NKD1: variants seen among roughly 807,000 people sequenced by gnomAD.
NKD1 encodes protein naked cuticle homolog 1.
In NKD1, 21 loss-of-function variants were observed where a neutral mutation model predicts 56.0. The observed-to-expected ratio is 0.38, with a 90% confidence interval of 0.27 to 0.54. NKD1 has a LOEUF of 0.54. Ranked by LOEUF, NKD1 falls within the 20% of genes least tolerant of loss-of-function variation. The pLI is 0.82. For synonymous variants in NKD1, 263 were observed against 265.7 expected (o/e 0.99, Z 0.10); for missense variants, 578 against 642.7 (o/e 0.90, Z 1.09).
intron 3 of NKD1, among the ~76,000 whole-genome samples, chr16:50,589,293 GA>G (rs1460676065): frequency 6.6e-6 from 1 of 152,238 alleles, no homozygotes; most frequent in Non-Finnish European, 1.5e-5. Context: ...ATACGGAAAT[GA>G]GTTTCCTCGC....
chr16:50,592,289 A>C (rs1961384758), intron 3 of NKD1, among the ~76,000 whole-genome samples: 1 of 152,226 alleles, frequency 6.6e-6, no homozygotes, highest in Non-Finnish European at 1.5e-5. Context: ...TCCCCAAGTC[A>C]CTGGCTCTGA....
At chr16:50,571,008 G>C in intron 3 of NKD1, 1 of 985,272 alleles carries the variant, frequency 1.0e-6, no homozygotes, top group Non-Finnish European at 1.2e-6. Context: ...ACCCTCCTGG[G>C]TGTGCACCTG....
Position 50,608,290 on chromosome 16 carries a change from G to C in NKD1, c.193-4G>C, listed in dbSNP as rs933566. The C allele has an allele frequency of 0.54, 865,257 of 1,606,608 alleles. 243,603 individuals are homozygous for C. The highest frequency in any genetic ancestry group is 0.98 in the East Asian group (43,967 of 44,844). On this transcript the variant is annotated splice_region_variant and splice_polypyrimidine_tract_variant and intron_variant, in intron 3 of 9. Transcript: ENST00000268459. ...CTCAATGCCTCTGCTCTGTCTTCTT[G>C]TAGGAGCTCGTGGGCGACGTGTTGA...
rs552112921 is a variant in NKD1 at position 50,580,112 on chromosome 16, G to A, written c.193-28182G>A. ...ACCCACTAAGCATGCACCCCAACCC[G>A]CTACACATGCACTCTCTCAGTCCCG... On this transcript the variant is annotated intron_variant, in intron 3 of 9. Transcript: ENST00000268459. Among the ~76,000 whole-genome samples, 18 of 152,288 alleles carry A rather than the reference G, an allele frequency of 1.2e-4. No homozygotes were observed. The East Asian group carries it at 3.3e-3, about 28-fold the overall frequency.
In NKD1 at chr16:50,649,099, C is replaced by T. The variant is rs1161281693; in HGVS notation, c.*15318C>T. 3 of 152,214 alleles carry T rather than the reference C, an allele frequency of 2.0e-5. No individual in the cohort carries two copies. Among genetic ancestry groups the T allele is most frequent in the Non-Finnish European group, 4.4e-5 (3 of 68,032 alleles). 9.4% of individuals were successfully genotyped at this position (152,214 alleles called of 1,614,324 possible). On this transcript the variant is annotated 3_prime_UTR_variant, in exon 10 of 10. Transcript: ENST00000268459. ...GATAGCAAACCTGTTGGATTTTCTC[C>T]AGAATCCCTGGGCCACTTTTAGCAG...
intron 3 of NKD1, among the ~76,000 whole-genome samples, chr16:50,597,958 G>A (rs563409474): frequency 6.6e-5 from 10 of 152,270 alleles, no homozygotes; most frequent in South Asian, 6.2e-4. Context: ...CAGTGGCTCC[G>A]GAGGAGGCAA....
intron 3 of NKD1, among the ~76,000 whole-genome samples, chr16:50,563,023 G>A (rs1200637451): frequency 2.0e-5 from 3 of 146,638 alleles, no homozygotes; most frequent in Non-Finnish European, 4.4e-5. Flanking sequence ...AGAAGAAGGG[G>A]CTGTAGAAGT....
chr16:50,552,866 G>T (rs1184843066), intron 3 of NKD1, among the ~76,000 whole-genome samples: 1 of 152,194 alleles, frequency 6.6e-6, no homozygotes, highest in Admixed American at 6.5e-5. Context: ...CACTGTCATG[G>T]CAGGCTCACT....
rs1286611288 is a variant in NKD1 at position 50,623,851 on chromosome 16, C to T, written c.367-1634C>T. On this transcript the variant is annotated intron_variant, in intron 5 of 9. Transcript: ENST00000268459. This position sits in a 1 kb window ranked among gnomAD's most constrained non-coding sequence, Gnocchi z 4.1. ...GTGTAGGTACGTGTGTAGGGGTATG[C>T]GTGTGTGTGTGTGTGTAGGGGTATG... Among the ~76,000 whole-genome samples the T allele has an allele frequency of 2.7e-5, 4 of 145,580 alleles. No individual in the cohort carries two copies. Among genetic ancestry groups the T allele is most frequent in the African/African-American group, 5.1e-5 (2 of 39,242 alleles).
rs1207860398 is a variant in NKD1, at chr16:50,637,023, TTCTC to T, written c.*3246_*3249del. On this transcript the variant is annotated 3_prime_UTR_variant, in exon 10 of 10. Coordinates refer to ENST00000268459, the MANE Select transcript of NKD1 (RefSeq NM_033119.5). Reference sequence around the variant, plus strand: ...CCCTAGGTCATAGAGCTCTGCCCCCTTCTCTCTAACAGCTGCTCAGCCTTCTGTG... The same window carrying T: ...CCCTAGGTCATAGAGCTCTGCCCCCTTCTAACAGCTGCTCAGCCTTCTGTG... The T allele has an allele frequency of 2.6e-5, 4 of 152,200 alleles. No individual in the cohort carries two copies. The highest frequency in any genetic ancestry group is 4.4e-5 in the Non-Finnish European group (3 of 68,048). The allele number at this position is 152,200 out of a possible 1,614,324, so 9.4% of individuals were successfully genotyped here. A position where few individuals can be genotyped will look rare whatever the true frequency, so the allele number is the denominator to read the frequency against.
chr16:50,595,140 C>T lies in NKD1; in HGVS notation c.193-13154C>T, dbSNP rs75340631. Among the ~76,000 whole-genome samples, 1,372 of 152,262 alleles carry T rather than the reference C, an allele frequency of 9.0e-3. 26 individuals carry two copies. The highest frequency in any genetic ancestry group is 0.031 in the African/African-American group (1,296 of 41,556). ...GCTCTTGTCCTGTGCCTCTGCTCCC[C>T]GAGGGAACTCATCGCTCGCTGGTTC... On this transcript the variant is annotated intron_variant, in intron 3 of 9. Coordinates refer to ENST00000268459, the MANE Select transcript of NKD1 (RefSeq NM_033119.5).
chr16:50,564,778 G>C (rs1960721195), intron 3 of NKD1, among the ~76,000 whole-genome samples: 1 of 152,092 alleles, frequency 6.6e-6, no homozygotes, highest in South Asian at 2.1e-4. Context: ...CCTTCAGAAA[G>C]GGTCCTCACC....
At chr16:50,573,594 C>G (rs1172468913) in intron 3 of NKD1, among the ~76,000 whole-genome samples, 32 of 152,210 alleles carry the variant, frequency 2.1e-4, no homozygotes. Context: ...AGGGTCCCAC[C>G]CTGACAGCCC....
In NKD1 at chr16:50,633,961, T is replaced by C. The variant is rs937308094; in HGVS notation, c.*180T>C. Reference sequence around the variant, plus strand: ...TCTATGGAAACACAGAACTAAACTTTTATTTATATGTTGTGGGGACTGCAT... The same window carrying C: ...TCTATGGAAACACAGAACTAAACTTCTATTTATATGTTGTGGGGACTGCAT... On this transcript the variant is annotated 3_prime_UTR_variant, in exon 10 of 10. Coordinates refer to ENST00000268459, the MANE Select transcript of NKD1 (RefSeq NM_033119.5). This position sits in a 1 kb window ranked among gnomAD's most constrained non-coding sequence, Gnocchi z 4.9. 5.9e-6 allele frequency: 3 copies of C among 508,710 alleles called. No homozygotes were observed. Among genetic ancestry groups the C allele is most frequent in the South Asian group, 3.9e-5 (1 of 25,824 alleles). 31.5% of individuals were successfully genotyped at this position (508,710 alleles called of 1,614,324 possible).
chr16:50,549,210 T>C (rs1036452796), intron 2 of NKD1, among the ~76,000 whole-genome samples: 16 of 151,338 alleles, frequency 1.1e-4, no homozygotes, highest in Non-Finnish European at 2.9e-5. Flanking sequence ...TCACCCCTCT[T>C]GCCCCCTTCT....
intron 3 of NKD1, chr16:50,606,915 A>G (rs1380301667): frequency 2.2e-6 from 1 of 456,684 alleles, no homozygotes; most frequent in South Asian, 1.5e-5. Context: ...TAATGATGCC[A>G]CCTGTGTGCA....
chr16:50,615,554 G>A (rs765727879), intron 4 of NKD1, among the ~76,000 whole-genome samples: 7 of 152,162 alleles, frequency 4.6e-5, no homozygotes, highest in Non-Finnish European at 1.0e-4. Context: ...TCTTGGCAGG[G>A]ATAACAGCGT....
Position 50,634,738 on chromosome 16 carries a change from T to C in NKD1, c.*957T>C, listed in dbSNP as rs1430689215. ...ACACTCTCAGGTATCTTTTCTGGTG[T>C]GTATAAATCAGTGGTTTGCTTCCCT... On this transcript the variant is annotated 3_prime_UTR_variant, in exon 10 of 10. Transcript: ENST00000268459. 1 of 152,352 alleles carries C rather than the reference T, an allele frequency of 6.6e-6. No homozygotes were observed. The highest frequency in any genetic ancestry group is 1.5e-5 in the Non-Finnish European group (1 of 68,036). 9.4% of individuals were successfully genotyped at this position (152,352 alleles called of 1,614,324 possible).
Position 50,598,260 on chromosome 16 carries a change from T to TGCGCGCGC in NKD1, c.193-10033_193-10032insCGCGCGCG, listed in dbSNP as rs981622233. Among the ~76,000 whole-genome samples, 1 of 137,998 alleles carries TGCGCGCGC rather than the reference T, an allele frequency of 7.2e-6. No homozygotes were observed. Among genetic ancestry groups the TGCGCGCGC allele is most frequent in the African/African-American group, 3.0e-5 (1 of 32,978 alleles). 90.5% of individuals were successfully genotyped at this position (137,998 alleles called of 152,430 possible). ...GTGTGTGTGTGTGTGTGTGTGTGTGTGTGCGCGCACACCTGTGCTCATGGA... is the reference window on the plus strand; with the variant it reads ...GTGTGTGTGTGTGTGTGTGTGTGTGTGCGCGCGCGTGCGCGCACACCTGTGCTCATGGA... On this transcript the variant is annotated intron_variant, in intron 3 of 9. Coordinates refer to ENST00000268459, the MANE Select transcript of NKD1 (RefSeq NM_033119.5). This position sits in a 1 kb window ranked among gnomAD's most constrained non-coding sequence, Gnocchi z 4.2.
Sources: gnomAD v4.1 joint callset for allele counts (sites outside exome capture counted in the v4.1 genomes callset) on GRCh38, gnomAD v4.1.1 for gene constraint, Gnocchi (gnomAD v3.1) non-coding constraint, MANE v1.5 for transcripts, NCBI Gene and HGNC (gene_info 2026-07-23, HGNC 2026-07-21) for gene names.